Variants in TBC1D32 observed in about 807,000 individuals in gnomAD.
TBC1D32 encodes the protein TBC1 domain family member 32, also known as protein broad-minded.
Under a neutral mutation model 170.3 loss-of-function variants are expected in TBC1D32, and 151 were observed. The observed-to-expected ratio is 0.89, with a 90% CI of 0.78 to 1.01. The LOEUF (loss-of-function observed/expected upper bound fraction) is 1.01. Among genes scored for constraint, TBC1D32 ranks in the 50% least tolerant of loss-of-function variants. TBC1D32 has a pLI of 0.00. For missense variants in TBC1D32, 1,464 were observed against 1,457.1 expected (o/e 1.00, Z -0.08); for synonymous variants, 498 against 488.0 (o/e 1.02, Z -0.27).
chr6:121,144,326 T>A (rs943642844), intron 24 of TBC1D32, among the ~76,000 whole-genome samples: 1 of 152,136 alleles, frequency 6.6e-6, no homozygotes, highest in Admixed American at 6.6e-5. Context: ...ATCTAACCCA[T>A]GTTTCAGCAG....
intron 15 of TBC1D32, among the ~76,000 whole-genome samples, chr6:121,268,280 A>C (rs532806118): frequency 6.6e-6 from 1 of 152,330 alleles, no homozygotes; most frequent in South Asian, 2.1e-4. Context: ...TGAGAGAAGA[A>C]GGCTTCAGAT....
At chr6:121,107,892 A>C (rs1333984137) in intron 29 of TBC1D32, among the ~76,000 whole-genome samples, 1 of 152,044 alleles carries the variant, frequency 6.6e-6, no homozygotes, top group Non-Finnish European at 1.5e-5. Flanking sequence ...TATATTTTCA[A>C]GGAAAATAAG....
chr6:121,217,656 G>A (rs1044220763), intron 21 of TBC1D32, among the ~76,000 whole-genome samples: 1 of 152,126 alleles, frequency 6.6e-6, no homozygotes, highest in Non-Finnish European at 1.5e-5. Context: ...GGTAGGAGGT[G>A]GAGAAGGGAG....
intron 4 of TBC1D32, 115 bp from the exon 5 acceptor site, chr6:121,308,216 T>C: frequency 9.6e-7 from 1 of 1,043,622 alleles, no homozygotes; most frequent in African/African-American, 1.6e-5. Flanking sequence ...TTATAAAGAA[T>C]GATTTATCAG....
At chr6:121,243,980 C>T (rs1474264077) in intron 17 of TBC1D32, among the ~76,000 whole-genome samples, 2 of 152,008 alleles carry the variant, frequency 1.3e-5, no homozygotes, top group African/African-American at 2.4e-5. Flanking sequence ...CTTCCACTTA[C>T]TTTCCTCTAC....
chr6:121,092,293 G>GTTTTTTTTTTTT (rs1160372863), intron 30 of TBC1D32, among the ~76,000 whole-genome samples: 2 of 50,388 alleles, frequency 4.0e-5, no homozygotes, highest in Non-Finnish European at 8.6e-5. Context: ...TCAGTTTTAT[G>GTTTTTTTTTTTT]TTTTTTTTTT....
In TBC1D32 at chr6:121,256,291, A is replaced by G. The variant is rs1178491090; in HGVS notation, c.1734-6T>C. ...TTATATGAGCACCTGTAGGACTAAA[A>G]GATGATACCTGAAAGTGATTCCAAG... is the stretch of plus-strand genomic sequence containing the variant. On this transcript the variant is annotated splice_region_variant and splice_polypyrimidine_tract_variant and intron_variant, in intron 15 of 31. Coordinates refer to ENST00000398212, the MANE Select transcript of TBC1D32 (RefSeq NM_152730.6). 6.2e-7 allele frequency: 1 copy of G among 1,602,376 alleles called. No homozygotes were observed. Among genetic ancestry groups the G allele is most frequent in the South Asian group, 1.1e-5 (1 of 89,402 alleles).
chr6:121,117,408 A>C (rs1779793500), intron 26 of TBC1D32, among the ~76,000 whole-genome samples: 3 of 152,162 alleles, frequency 2.0e-5, no homozygotes, highest in Admixed American at 2.0e-4. Context: ...ATATATTTAA[A>C]AAGGGGCTTC....
intron 2 of TBC1D32, among the ~76,000 whole-genome samples, chr6:121,318,344 T>C (rs974838295): frequency 4.6e-5 from 7 of 152,126 alleles, no homozygotes; most frequent in Non-Finnish European, 1.0e-4. Context: ...ATCAAATTTC[T>C]CTACTTTGTA....
chr6:121,302,455 G>A (rs79274950), intron 9 of TBC1D32, among the ~76,000 whole-genome samples: 3,639 of 151,772 alleles, frequency 0.024, 159 homozygotes, highest in East Asian at 0.12. Flanking sequence ...TTTGTACCCC[G>A]TTATCTTAAG....
rs201227428 is a variant in TBC1D32 at position 121,270,303 on chromosome 6, C to G, written c.1733+8818G>C. On this transcript the variant is annotated intron_variant, in intron 15 of 31. Coordinates refer to ENST00000398212, the MANE Select transcript of TBC1D32 (RefSeq NM_152730.6). ...GAGATAGAGACACAAAAAAACCCTT[C>G]AAAAAAAATCAATGAATCCAGGAGC... Among the ~76,000 whole-genome samples, 3 of 151,304 alleles carry G rather than the reference C, an allele frequency of 2.0e-5. No homozygotes were observed. In the East Asian group the frequency reaches 5.8e-4, roughly 29 times the overall value.
At chr6:121,097,858 ATGCAGCCATAAAAAGGATGAG>A (rs1218628170) in intron 30 of TBC1D32, among the ~76,000 whole-genome samples, 1 of 152,146 alleles carries the variant, frequency 6.6e-6, no homozygotes, top group African/African-American at 2.4e-5. Flanking sequence ...ATGGAATAGT[ATGCAGCCATAAAAAGGATGAG>A]TTCATGTCCT....
intron 30 of TBC1D32, among the ~76,000 whole-genome samples, chr6:121,101,384 C>T (rs925252745): frequency 6.6e-6 from 1 of 152,040 alleles, no homozygotes; most frequent in Non-Finnish European, 1.5e-5. Context: ...AAAAGTTGAT[C>T]CACCAAGATC....
At chr6:121,217,707 C>G (rs1794008625) in intron 21 of TBC1D32, among the ~76,000 whole-genome samples, 1 of 152,020 alleles carries the variant, frequency 6.6e-6, no homozygotes, top group African/African-American at 2.4e-5. Flanking sequence ...GGCTTAGTAC[C>G]TGGGTGATGA....
At chr6:121,168,556 C>A (rs1193995608) in intron 22 of TBC1D32, among the ~76,000 whole-genome samples, 24 of 57,276 alleles carry the variant, frequency 4.2e-4, no homozygotes, top group Non-Finnish European at 8.1e-4. Flanking sequence ...ACTCTGGGGA[C>A]TGTGGTGGGG....
chr6:121,308,189 G>C, intron 4 of TBC1D32, 88 bp from the exon 5 acceptor site: 1 of 1,225,700 alleles, frequency 8.2e-7, no homozygotes, highest in Non-Finnish European at 1.2e-6. Context: ...ACTACTAAAA[G>C]GTAAAGTCTG....
At chr6:121,196,225 C>A (rs1479307993) in intron 22 of TBC1D32, among the ~76,000 whole-genome samples, 2 of 152,172 alleles carry the variant, frequency 1.3e-5, no homozygotes, top group Non-Finnish European at 2.9e-5. Context: ...AACAAAGTGG[C>A]CACTGTGGCA....
At chr6:121,199,928 T>C (rs1165313270) in intron 22 of TBC1D32, among the ~76,000 whole-genome samples, 2 of 151,434 alleles carry the variant, frequency 1.3e-5, no homozygotes, top group African/African-American at 4.9e-5. Flanking sequence ...AATTTTTAAC[T>C]TTTCATATTA....
intron 20 of TBC1D32, among the ~76,000 whole-genome samples, chr6:121,232,703 G>T (rs961125873): frequency 6.7e-6 from 1 of 150,138 alleles, no homozygotes; most frequent in African/African-American, 2.4e-5. Flanking sequence ...TGTAAACCAG[G>T]TTGAATTTTT....
Sources: allele counts gnomAD v4.1 joint callset (sites outside exome capture counted in the v4.1 genomes callset), GRCh38; gene constraint gnomAD v4.1.1; transcripts MANE v1.5; gene names NCBI Gene and HGNC (gene_info 2026-07-23, HGNC 2026-07-21).